CMTM4: variants seen among roughly 807,000 people sequenced by gnomAD.
CMTM4 encodes CKLF like MARVEL transmembrane domain containing 4, also known as CKLF-like MARVEL transmembrane domain-containing protein 4.
CMTM4 carries 8 observed loss-of-function variants against 19.0 expected under a neutral mutation model. The ratio of observed to expected loss-of-function variants is 0.42; its 90% CI spans 0.25 to 0.76. CMTM4 has a LOEUF of 0.76. CMTM4 is among the 30% of genes least tolerant of loss of function. The pLI is 0.27. For synonymous variants in CMTM4, 106 were observed against 121.1 expected (o/e 0.88, Z 0.82); for missense variants, 228 against 290.2 (o/e 0.79, Z 1.56).
At position 66,617,282 on chromosome 16, in the gene CMTM4, C is replaced by T. The variant is rs990110719; in HGVS notation, c.*4776G>A. 6.2e-7 allele frequency: 1 copy of T among 1,613,956 alleles called. No individual in the cohort carries two copies. The highest frequency in any genetic ancestry group is 1.1e-5 in the South Asian group (1 of 91,060). On this transcript the variant is annotated 3_prime_UTR_variant, in exon 4 of 4. Transcript: ENST00000394106. Reference sequence around the variant, plus strand: ...GACCCATCATCTGAACTTTTCTAGGCAAGTTGCCAGTGATTCAAACTCAGC... The same window carrying T: ...GACCCATCATCTGAACTTTTCTAGGTAAGTTGCCAGTGATTCAAACTCAGC...
chr16:66,621,984 G>T lies in CMTM4; in HGVS notation c.*74C>A. ...ATTCAACTGAATCACATGGAAATCTGACAGGACAAGGGAAAGAAAACTTGA... is the reference window on the plus strand; with the variant it reads ...ATTCAACTGAATCACATGGAAATCTTACAGGACAAGGGAAAGAAAACTTGA... On this transcript the variant is annotated 3_prime_UTR_variant, in exon 4 of 4. Coordinates refer to ENST00000394106, the MANE Select transcript of CMTM4 (RefSeq NM_181521.3). 6.7e-7 allele frequency: 1 copy of T among 1,491,958 alleles called. No homozygotes were observed. Among genetic ancestry groups the T allele is most frequent in the South Asian group, 1.3e-5 (1 of 78,378 alleles). 92.4% of individuals were successfully genotyped at this position (1,491,958 alleles called of 1,614,324 possible).
chr16:66,612,664 G>C, downstream of CMTM4: 1 of 1,612,514 alleles, frequency 6.2e-7, no homozygotes, highest in Non-Finnish European at 8.5e-7. This position sits in a 1 kb window ranked among gnomAD's most constrained non-coding sequence, Gnocchi z 6.0. Context: ...TTGGCAACCT[G>C]AGCCACACAG....
At chr16:66,629,838 C>T (rs1384136916) in intron 2 of CMTM4, among the ~76,000 whole-genome samples, 1 of 152,304 alleles carries the variant, frequency 6.6e-6, no homozygotes, top group East Asian at 1.9e-4. Context: ...ACGATGGGGT[C>T]TGGGGAGCTT....
the CMTM4 span, among the ~76,000 whole-genome samples, chr16:66,600,138 T>G: frequency 0.14 from 17,365 of 125,870 alleles, 1,244 homozygotes; most frequent in Non-Finnish European, 0.19. Context: ...GTGTGTGTGT[T>G]TTTTTTTGTT....
At chr16:66,600,924 GA>G in the CMTM4 span, among the ~76,000 whole-genome samples, 1 of 152,218 alleles carries the variant, frequency 6.6e-6, no homozygotes, top group Non-Finnish European at 1.5e-5. Flanking sequence ...ATTCTGGGTA[GA>G]GGGGTCAGCA....
At chr16:66,611,017 G>A (rs1021564373), downstream of CMTM4, 6 of 397,804 alleles carry the variant, frequency 1.5e-5, 1 homozygote, top group South Asian at 4.1e-4. Flanking sequence ...AGTGATCCCA[G>A]ACAACCAGCC....
intron 1 of CMTM4, among the ~76,000 whole-genome samples, chr16:66,642,194 C>G (rs1423198911): frequency 6.6e-6 from 1 of 152,164 alleles, no homozygotes; most frequent in Admixed American, 6.5e-5. Context: ...TAAAGTGATA[C>G]TAGAAGCCAA....
rs2016949211 is a variant in CMTM4, at chr16:66,683,135, A to ACG, written c.186+13204_186+13205insCG. On this transcript the variant is annotated intron_variant, in intron 1 of 3. Coordinates refer to ENST00000394106, the MANE Select transcript of CMTM4 (RefSeq NM_181521.3). ...TGTGTGTGTGTGTGTGTGTGTATAT[A>ACG]TATATATATATGTATATATATATAC... is the stretch of plus-strand genomic sequence containing the variant. 2.2e-5 allele frequency among the ~76,000 whole-genome samples: 3 copies of ACG among 135,570 alleles called. No homozygotes were observed. In the South Asian group the frequency reaches 7.0e-4, roughly 32 times the overall value. The allele number at this position is 135,570 out of a possible 152,430, so 88.9% of individuals were successfully genotyped here.
intron 1 of CMTM4, among the ~76,000 whole-genome samples, chr16:66,667,383 C>A (rs1019100284): frequency 6.6e-6 from 1 of 151,822 alleles, no homozygotes; most frequent in African/African-American, 2.4e-5. Flanking sequence ...AAATAACAAA[C>A]GTGAAGGTTT....
intron 1 of CMTM4, among the ~76,000 whole-genome samples, chr16:66,645,148 G>T (rs2016168900): frequency 6.6e-6 from 1 of 152,174 alleles, no homozygotes; most frequent in Non-Finnish European, 1.5e-5. Context: ...TCTGGGCATG[G>T]TGGCAGGCGC....
chr16:66,608,593 T>C, the CMTM4 span: 7 of 860,460 alleles, frequency 8.1e-6, no homozygotes, highest in Middle Eastern at 3.6e-4. This position sits in a 1 kb window ranked among gnomAD's most constrained non-coding sequence, Gnocchi z 5.1. Flanking sequence ...TAGAACTGGA[T>C]GGAGAGACCC....
At chr16:66,646,893 G>A (rs1238663749) in intron 1 of CMTM4, among the ~76,000 whole-genome samples, 1 of 151,914 alleles carries the variant, frequency 6.6e-6, no homozygotes, top group East Asian at 2.0e-4. Context: ...TTTTAGTAGA[G>A]ACAGGGTTTC....
At chr16:66,604,470 T>G in the CMTM4 span, 2 of 207,344 alleles carry the variant, frequency 9.6e-6, no homozygotes, top group Non-Finnish European at 9.6e-6. Flanking sequence ...CCCTTCTGGA[T>G]AGGGGCAGAC....
At chr16:66,633,473 G>A (rs556048301) in intron 2 of CMTM4, among the ~76,000 whole-genome samples, 82 of 152,166 alleles carry the variant, frequency 5.4e-4, no homozygotes, top group Non-Finnish European at 1.0e-3. Flanking sequence ...GCCGTGAGGA[G>A]CTCACTTTTT....
chr16:66,608,653 T>C, the CMTM4 span, among the ~76,000 whole-genome samples: 3 of 152,140 alleles, frequency 2.0e-5, no homozygotes, highest in Admixed American at 1.3e-4. This position sits in a 1 kb window ranked among gnomAD's most constrained non-coding sequence, Gnocchi z 5.1. Flanking sequence ...TGACCTCAAG[T>C]GGGCTGTGGT....
the CMTM4 span, among the ~76,000 whole-genome samples, chr16:66,600,136 G>GTGGTTTTTTTTTTTTTTTTTTTT: frequency 7.4e-6 from 1 of 135,154 alleles, no homozygotes; most frequent in African/African-American, 2.9e-5. Flanking sequence ...GTGTGTGTGT[G>GTGGTTTTTTTTTTTTTTTTTTTT]TTTTTTTTTG....
At chr16:66,676,256 A>G (rs567434998) in intron 1 of CMTM4, among the ~76,000 whole-genome samples, 4 of 152,280 alleles carry the variant, frequency 2.6e-5, no homozygotes, top group African/African-American at 9.6e-5. Context: ...AGAACATCAC[A>G]AAGAGTTGAT....
chr16:66,604,049 TGTGA>T, the CMTM4 span: 1 of 152,370 alleles, frequency 6.6e-6, no homozygotes, highest in Non-Finnish European at 1.5e-5. Flanking sequence ...TGTGTGTGTG[TGTGA>T]GAGAGAGAGA....
intron 1 of CMTM4, among the ~76,000 whole-genome samples, chr16:66,680,769 G>A (rs773294170): frequency 6.7e-4 from 55 of 81,874 alleles, no homozygotes; most frequent in Non-Finnish European, 1.0e-3. Flanking sequence ...GCAAGACTCC[G>A]TCTCAAAAAA....
Sources: allele counts gnomAD v4.1 joint callset (sites outside exome capture counted in the v4.1 genomes callset), GRCh38; gene constraint gnomAD v4.1.1; non-coding constraint Gnocchi (gnomAD v3.1); transcripts MANE v1.5; gene names NCBI Gene and HGNC (gene_info 2026-07-23, HGNC 2026-07-21).